Variants in IGSF8 observed in about 807,000 individuals in gnomAD.
IGSF8 encodes the protein immunoglobulin superfamily member 8.
IGSF8 carries 46 observed loss-of-function variants against 55.5 expected under a neutral mutation model. The ratio of observed to expected loss-of-function variants is 0.83; its 90% CI spans 0.65 to 1.06. The LOEUF is 1.06. Ranked by LOEUF, IGSF8 falls within the 50% of genes least tolerant of loss-of-function variation. The probability of loss-of-function intolerance (pLI) is 0.00; values close to 1 mark genes in which losing one functional copy is unlikely to be tolerated. For missense variants in IGSF8, 731 were observed against 832.3 expected (o/e 0.88, Z 1.50); for synonymous variants, 314 against 356.1 (o/e 0.88, Z 1.33).
chr1:160,098,794 C>G, upstream of IGSF8: 1 of 271,148 alleles, frequency 3.7e-6, no homozygotes, highest in Non-Finnish European at 6.7e-6. Context: ...GCCTTTGCTC[C>G]GCACCTGGCC....
intron 1 of IGSF8, 131 bp downstream of exon 1, chr1:160,098,278 A>C (rs12046504): frequency 0.54 from 724,594 of 1,337,250 alleles, 198,453 homozygotes; most frequent in Non-Finnish European, 0.55. Flanking sequence ...GCGCAGCTGG[A>C]CGCCGACCCC....
chr1:160,093,054 C>T lies in IGSF8; in HGVS notation c.1182G>A (p.Glu394=). 6.2e-7 allele frequency: 1 copy of T among 1,614,106 alleles called. No individual in the cohort carries two copies. Among genetic ancestry groups the T allele is most frequent in the Non-Finnish European group, 8.5e-7 (1 of 1,179,996 alleles). The part of the protein sequence containing the change: ...VASRTYRLRL[E]AARPGDAGTY... ...TGCCCGCATCACCAGGCCTGGCAGCCTCTAGCCGTAGCCGGTATGTTCTGG... is the reference window on the plus strand; with the variant it reads ...TGCCCGCATCACCAGGCCTGGCAGCTTCTAGCCGTAGCCGGTATGTTCTGG... Residue 394 remains glutamate (E), a synonymous_variant, in exon 4 of 7, where the codon GAG becomes GAA. Coordinates refer to ENST00000314485, the MANE Select transcript of IGSF8 (RefSeq NM_052868.6).
chr1:160,093,830 C>T lies in IGSF8; in HGVS notation c.784G>A (p.Ala262Thr), dbSNP rs768015705. 6.2e-7 allele frequency: 1 copy of T among 1,614,154 alleles called. No homozygotes were observed. Among genetic ancestry groups the T allele is most frequent in the South Asian group, 1.1e-5 (1 of 91,086 alleles). ...CAGTGGTAGGTGCCTGCGTCCCCTG[C>T]CTGGGCACCCCCTACTACCATGCGG... ...RYRMVVGGAQ[A>T]GDAGTYHCTA... Residue 262 changes from alanine (A) to threonine (T), a missense_variant, in exon 3 of 7, where the codon GCA (alanine) becomes ACA (threonine). Transcript: ENST00000314485.
At position 160,093,719 on chromosome 1, in the gene IGSF8, G is replaced by A. The variant is rs1252053965; in HGVS notation, c.895C>T (p.Gln299Ter). 1.2e-6 allele frequency: 2 copies of A among 1,604,492 alleles called. No homozygotes were observed. Among genetic ancestry groups the A allele is most frequent in the East Asian group, 2.2e-5 (1 of 44,728 alleles). The change falls in exon 3 of 7, where the codon CAG becomes TAG. Residue 299 changes from glutamine to a stop codon, truncating the protein, a stop_gained. Coordinates refer to ENST00000314485, the MANE Select transcript of IGSF8 (RefSeq NM_052868.6). LOFTEE classifies it high-confidence loss of function. ...KRAVLAHVDVQTLSSQLAVTV... is the reference protein window; with the variant it reads ...KRAVLAHVDV ...TATAAGTGGCACTTACACAGCGTCTGCACATCCACGTGGGCCAGGACGGCC... is the reference window on the plus strand; with the variant it reads ...TATAAGTGGCACTTACACAGCGTCTACACATCCACGTGGGCCAGGACGGCC...
rs192865667 is a variant in IGSF8, at chr1:160,094,592, T to C, written c.442+277A>G. Among the ~76,000 whole-genome samples, 136 of 152,210 alleles carry C rather than the reference T, an allele frequency of 8.9e-4. No individual in the cohort carries two copies. The highest frequency in any genetic ancestry group is 3.2e-3 in the African/African-American group (131 of 41,518). ...TTCAACCCAACAGTCTTCTTCGTTCTTGGGAATGGAAAGTGGACTGGACAA... is the reference window on the plus strand; with the variant it reads ...TTCAACCCAACAGTCTTCTTCGTTCCTGGGAATGGAAAGTGGACTGGACAA... On this transcript the variant is annotated intron_variant, in intron 2 of 6. Coordinates refer to ENST00000314485, the MANE Select transcript of IGSF8 (RefSeq NM_052868.6). This position sits in a 1 kb window ranked among gnomAD's most constrained non-coding sequence, Gnocchi z 4.0.
chr1:160,095,158 C>T lies in IGSF8; in HGVS notation c.153G>A (p.Val51=). 6.2e-7 allele frequency: 1 copy of T among 1,613,318 alleles called. No individual in the cohort carries two copies. Among genetic ancestry groups the T allele is most frequent in the Non-Finnish European group, 8.5e-7 (1 of 1,180,038 alleles). The change falls in exon 2 of 7, where the codon GTG becomes GTA. Residue 51 remains valine (V), a synonymous_variant. Coordinates refer to ENST00000314485, the MANE Select transcript of IGSF8 (RefSeq NM_052868.6). The stretch of plus-strand genomic sequence containing the variant: ...GCTGGGCAGGGCCCTCATAGCCGGT[C>T]ACATTGCAGGAGATGGAGACAGCTG... ...AGTAVSISCN[V]TGYEGPAQQN...
Position 160,092,527 on chromosome 1 carries a change from G to A in IGSF8, c.1481C>T (p.Ala494Val), listed in dbSNP as rs371278309. ...CTGGCCTACGCCACCCACCAGCTGG[G>A]CAGGGACAGAGCTGAGCTCTCCGTC... Reference protein sequence around the residue: ...PEDGELSSVPAQLVGGVGQDG... With the variant: ...PEDGELSSVPVQLVGGVGQDG... Residue 494 changes from alanine to valine, a missense_variant, in exon 5 of 7, where the codon GCC becomes GTC. Ala to Val is a moderately conservative substitution (Grantham distance 64). Transcript: ENST00000314485. 1 of 1,612,904 alleles carries A rather than the reference G, an allele frequency of 6.2e-7. No individual in the cohort carries two copies.
At chr1:160,092,716 G>C (rs1324089392) in intron 4 of IGSF8, 21 bp from the exon 5 acceptor site, 1 of 1,597,886 alleles carries the variant, frequency 6.3e-7, no homozygotes, top group Non-Finnish European at 8.5e-7. Context: ...AAGGACATGG[G>C]GTCAGAGGGT....
chr1:160,091,659 T>C (rs1471928436), intron 6 of IGSF8, 51 bp from the exon 7 acceptor site: 1 of 624,878 alleles, frequency 1.6e-6, no homozygotes, highest in Non-Finnish European at 2.9e-6. Flanking sequence ...TGAGTGGGGC[T>C]CCCTCGCGGC....
intron 4 of IGSF8, 21 bp from the exon 5 acceptor site, chr1:160,092,716 G>A (rs1324089392): frequency 1.9e-6 from 3 of 1,597,768 alleles, no homozygotes; most frequent in African/African-American, 2.7e-5. Flanking sequence ...AAGGACATGG[G>A]GTCAGAGGGT....
At position 160,091,609 on chromosome 1, in the gene IGSF8, C is replaced by T; in HGVS notation, c.*16-1G>A. 1.8e-6 allele frequency: 1 copy of T among 568,800 alleles called. No homozygotes were observed. Among genetic ancestry groups the T allele is most frequent in the Non-Finnish European group, 3.2e-6 (1 of 314,282 alleles). The allele number at this position is 568,800 out of a possible 1,614,324, so 35.2% of individuals were successfully genotyped here. A position where few individuals can be genotyped will look rare whatever the true frequency, so the allele number is the denominator to read the frequency against. On this transcript the variant is annotated splice_acceptor_variant, in intron 6 of 6. Coordinates refer to ENST00000314485, the MANE Select transcript of IGSF8 (RefSeq NM_052868.6). LOFTEE classifies it low-confidence loss of function (3UTR_SPLICE). ...GGAAGACAGTCGACACCTGCAAGACCTGAAAAGGGTGCCCGGTGTGGGCTA... is the reference window on the plus strand; with the variant it reads ...GGAAGACAGTCGACACCTGCAAGACTTGAAAAGGGTGCCCGGTGTGGGCTA...
At position 160,093,322 on chromosome 1, in the gene IGSF8, A is replaced by G; in HGVS notation, c.914T>C (p.Leu305Pro). Residue 305 changes from leucine (L) to proline (P), a missense_variant, in exon 4 of 7, where the codon CTG becomes CCG. Coordinates refer to ENST00000314485, the MANE Select transcript of IGSF8 (RefSeq NM_052868.6). Reference protein sequence around the residue: ...HVDVQTLSSQLAVTVGPGERR... With the variant: ...HVDVQTLSSQPAVTVGPGERR... ...TTCACCAGGCCCCACTGTCACTGCC[A>G]GCTGGCTGGCTGAAACACAGGTAGG... 1.3e-6 allele frequency: 2 copies of G among 1,584,430 alleles called. No homozygotes were observed. The highest frequency in any genetic ancestry group is 1.1e-5 in the South Asian group (1 of 89,186).
In IGSF8 at chr1:160,093,014, C is replaced by T. The variant is rs573413697; in HGVS notation, c.1222G>A (p.Ala408Thr). Residue 408 changes from alanine (A) to threonine (T), a missense_variant, in exon 4 of 7, where the codon GCC becomes ACC. Physicochemically the swap from Ala to Thr is moderately conservative, Grantham distance 58. Coordinates refer to ENST00000314485, the MANE Select transcript of IGSF8 (RefSeq NM_052868.6). ...PGDAGTYRCLAKAYVRGSGTR... is the reference protein window; with the variant it reads ...PGDAGTYRCLTKAYVRGSGTR... ...CCAGACCCTCGAACATAGGCTTTGG[C>T]GAGGCAGCGGTAGGTGCCCGCATCA... The T allele has an allele frequency of 4.0e-5, 65 of 1,613,976 alleles. No homozygotes were observed. Among genetic ancestry groups the T allele is most frequent in the Non-Finnish European group, 5.3e-5 (63 of 1,179,964 alleles).
At chr1:160,099,115 G>C (rs1289340657), upstream of IGSF8, among the ~76,000 whole-genome samples, 2 of 149,384 alleles carry the variant, frequency 1.3e-5, no homozygotes, top group South Asian at 4.3e-4. Flanking sequence ...CCCCGCCCCT[G>C]GCCCTGGCTC....
At chr1:160,095,574 G>C (rs918601176) in intron 1 of IGSF8, among the ~76,000 whole-genome samples, 3 of 152,206 alleles carry the variant, frequency 2.0e-5, no homozygotes, top group African/African-American at 7.2e-5. Flanking sequence ...ACCTTGATCT[G>C]TCCCTGCCAC....
At chr1:160,092,821 G>A in intron 4 of IGSF8, 103 bp downstream of exon 4, 1 of 1,483,540 alleles carries the variant, frequency 6.7e-7, no homozygotes, top group Non-Finnish European at 9.1e-7. Flanking sequence ...GGAGCGTGAG[G>A]CTGTGGCCTG....
chr1:160,093,829 G>A lies in IGSF8; in HGVS notation c.785C>T (p.Ala262Val). Residue 262 changes from alanine to valine, a missense_variant, in exon 3 of 7, where the codon GCA becomes GTA. Transcript: ENST00000314485. The part of the protein sequence containing the change: ...RYRMVVGGAQ[A>V]GDAGTYHCTA... ...GCAGTGGTAGGTGCCTGCGTCCCCT[G>A]CCTGGGCACCCCCTACTACCATGCG... 6.2e-7 allele frequency: 1 copy of A among 1,614,080 alleles called. No homozygotes were observed. The highest frequency in any genetic ancestry group is 8.5e-7 in the Non-Finnish European group (1 of 1,179,936).
chr1:160,091,730 T>C, intron 6 of IGSF8, 78 bp downstream of exon 6: 1 of 910,348 alleles, frequency 1.1e-6, no homozygotes, highest in Non-Finnish European at 1.8e-6. Context: ...AGGTGGGGCC[T>C]GGGAGGGAGC....
In IGSF8 at chr1:160,092,299, A is replaced by T. The variant is rs1388576590; in HGVS notation, c.1709T>A (p.Val570Asp). 1.3e-5 allele frequency: 21 copies of T among 1,613,964 alleles called. No individual in the cohort carries two copies. The highest frequency in any genetic ancestry group is 1.7e-5 in the Non-Finnish European group (20 of 1,179,940). The part of the protein sequence containing the change: ...AGSARSGPVT[V>D]YPYMHALDTL... ...TCACTCACCATGCATGTAGGGGTAG[A>T]CTGTAACAGGCCCTGAGCGGGCACT... The change falls in exon 5 of 7, where the codon GTC becomes GAC. Residue 570 changes from valine (V) to aspartate (D), a missense_variant. Coordinates refer to ENST00000314485, the MANE Select transcript of IGSF8 (RefSeq NM_052868.6).
Sources: allele counts gnomAD v4.1 joint callset (sites outside exome capture counted in the v4.1 genomes callset), GRCh38; gene constraint gnomAD v4.1.1; non-coding constraint Gnocchi (gnomAD v3.1); transcripts MANE v1.5; gene names NCBI Gene and HGNC (gene_info 2026-07-23, HGNC 2026-07-21).